Variants in DMD observed in about 807,000 individuals in gnomAD.
The protein encoded by DMD is mutant dystrophin.
In DMD, 63 loss-of-function variants were observed where a neutral mutation model predicts 330.1. That is an observed-to-expected ratio of 0.19 (90% CI 0.16 to 0.24). DMD has a LOEUF of 0.24. DMD is among the 10% of genes least tolerant of loss of function. The pLI is 1.00. For missense variants in DMD, 3,344 were observed against 2,684.1 expected (o/e 1.25, Z -5.43); for synonymous variants, 1,223 against 959.8 (o/e 1.27, Z -5.07).
intron 47 of DMD, among the ~76,000 whole-genome samples, chrX:31,915,227 C>T (rs1050371804): frequency 7.2e-5 from 6 of 82,998 alleles, no homozygotes; most frequent in African/African-American, 4.3e-4. Context: ...TGGGAAGGCA[C>T]TGTGTGTTCT....
At chrX:32,835,892 C>A (rs1316764637) in intron 4 of DMD, among the ~76,000 whole-genome samples, 4 of 111,001 alleles carry the variant, frequency 3.6e-5, no homozygotes, top group Non-Finnish European at 7.5e-5. Flanking sequence ...CTTTAAAAAT[C>A]AGAGGGCTAA....
chrX:31,885,875 T>C (rs371708117), intron 47 of DMD, among the ~76,000 whole-genome samples: 1 of 110,788 alleles, frequency 9.0e-6, no homozygotes, highest in East Asian at 2.8e-4. Flanking sequence ...CATTTGTTAA[T>C]TTTATGGGGA....
intron 52 of DMD, 63 bp from the exon 53 acceptor site, chrX:31,679,649 T>C: frequency 1.0e-6 from 1 of 957,468 alleles, no homozygotes; most frequent in Non-Finnish European, 1.5e-6. Context: ...ACATTTTAAA[T>C]GTAACTTCCA....
At chrX:31,344,715 T>G (rs924436633) in intron 61 of DMD, among the ~76,000 whole-genome samples, 2 of 110,451 alleles carry the variant, frequency 1.8e-5, no homozygotes, top group Non-Finnish European at 3.8e-5. Flanking sequence ...CCAAGCGTGG[T>G]GGCGTATTCC....
At chrX:31,642,643 T>C (rs1456479054) in intron 54 of DMD, among the ~76,000 whole-genome samples, 6 of 110,090 alleles carry the variant, frequency 5.5e-5, no homozygotes, top group African/African-American at 1.6e-4. Flanking sequence ...AGCATAGTTA[T>C]CATTTTTTTT....
intron 13 of DMD, among the ~76,000 whole-genome samples, chrX:32,574,476 T>C (rs1428671854): frequency 8.9e-6 from 1 of 112,008 alleles, no homozygotes; most frequent in Non-Finnish European, 1.9e-5. Flanking sequence ...GAACACACAC[T>C]ATTTTAATAT....
At chrX:32,673,755 C>T (rs867090527) in intron 9 of DMD, among the ~76,000 whole-genome samples, 1 of 112,127 alleles carries the variant, frequency 8.9e-6, no homozygotes, top group East Asian at 2.8e-4. Flanking sequence ...GCCCTCTACC[C>T]CAACCCTGTG....
chrX:31,986,067 G>A (rs73449936), intron 44 of DMD, among the ~76,000 whole-genome samples: 3,197 of 111,111 alleles, frequency 0.029, 132 homozygotes, highest in African/African-American at 0.099. Context: ...TGAATGAAGG[G>A]GAGTGTGGAA....
intron 44 of DMD, among the ~76,000 whole-genome samples, chrX:32,003,645 A>G (rs185563747): frequency 9.0e-6 from 1 of 111,080 alleles, no homozygotes; most frequent in Admixed American, 9.6e-5. Context: ...ATATATATGA[A>G]CTCAGTTGGC....
chrX:33,206,559 A>G (rs941393948), intron 1 of DMD, among the ~76,000 whole-genome samples: 1 of 111,669 alleles, frequency 9.0e-6, no homozygotes, highest in Non-Finnish European at 1.9e-5. Flanking sequence ...CCAAATCCAG[A>G]CTACTAAGAA....
chrX:33,051,644 C>CTTTTTTTTTT (rs1569551755), intron 1 of DMD, among the ~76,000 whole-genome samples: 3 of 80,701 alleles, frequency 3.7e-5, no homozygotes, highest in African/African-American at 1.8e-4. Context: ...TAATTACGCT[C>CTTTTTTTTTT]TATTTTTTTT....
At chrX:32,295,224 A>G (rs962041252) in intron 42 of DMD, among the ~76,000 whole-genome samples, 2 of 112,130 alleles carry the variant, frequency 1.8e-5, no homozygotes, top group Admixed American at 1.9e-4. Flanking sequence ...AGGCATCTGT[A>G]CACGAATTTA....
intron 45 of DMD, among the ~76,000 whole-genome samples, chrX:31,947,479 T>G (rs2095103294): frequency 9.0e-6 from 1 of 111,481 alleles, no homozygotes; most frequent in Non-Finnish European, 1.9e-5. Context: ...ACACGATGGG[T>G]CCATAATTAA....
intron 1 of DMD, among the ~76,000 whole-genome samples, chrX:33,248,102 C>T (rs924985223): frequency 4.5e-5 from 5 of 111,035 alleles, no homozygotes; most frequent in Non-Finnish European, 9.4e-5. Flanking sequence ...AGTGCGGTGG[C>T]GCGATCTCAG....
At chrX:32,218,256 C>T (rs1273032816) in intron 43 of DMD, among the ~76,000 whole-genome samples, 3 of 111,484 alleles carry the variant, frequency 2.7e-5, no homozygotes, top group Non-Finnish European at 5.7e-5. Context: ...TGGACACTGA[C>T]GCTGTTATTT....
chrX:33,138,673 G>C (rs1603344387), intron 1 of DMD, among the ~76,000 whole-genome samples: 1 of 111,034 alleles, frequency 9.0e-6, no homozygotes, highest in East Asian at 2.8e-4. Flanking sequence ...CCTTGGAGTA[G>C]TGTTTCCTTT....
At chrX:33,153,896 A>G (rs1040964546) in intron 1 of DMD, among the ~76,000 whole-genome samples, 1 of 112,279 alleles carries the variant, frequency 8.9e-6, no homozygotes, top group Non-Finnish European at 1.9e-5. Context: ...AATAAGTCAT[A>G]CGATACAATA....
chrX:32,613,211 T>C (rs1159068705), intron 12 of DMD, among the ~76,000 whole-genome samples: 1 of 111,542 alleles, frequency 9.0e-6, no homozygotes, highest in East Asian at 2.8e-4. Flanking sequence ...ATCTGAAATT[T>C]ACATTTAAGT....
At chrX:33,159,929 TA>T (rs1411935519) in intron 1 of DMD, among the ~76,000 whole-genome samples, 1 of 111,654 alleles carries the variant, frequency 9.0e-6, no homozygotes, top group Non-Finnish European at 1.9e-5. Context: ...GGCCTACCTC[TA>T]AAGTATATAA....
Sources: gnomAD v4.1 joint callset for allele counts (sites outside exome capture counted in the v4.1 genomes callset) on GRCh38, gnomAD v4.1.1 for gene constraint, MANE v1.5 for transcripts, NCBI Gene and HGNC (gene_info 2026-07-23, HGNC 2026-07-21) for gene names.